Variants in MCCC1 observed in about 807,000 individuals in gnomAD.
The protein encoded by MCCC1 is methylcrotonyl-CoA carboxylase subunit 1.
MCCC1 carries 64 observed loss-of-function variants against 83.8 expected under a neutral mutation model. The ratio of observed to expected loss-of-function variants is 0.76; its 90% CI spans 0.62 to 0.94. The LOEUF (loss-of-function observed/expected upper bound fraction) is 0.94. Ranked by LOEUF, MCCC1 falls within the 40% of genes least tolerant of loss-of-function variation. MCCC1 has a pLI of 0.00. For synonymous variants in MCCC1, 322 were observed against 315.4 expected, an observed-to-expected ratio of 1.02 and a Z score of -0.22; for missense variants, 807 against 904.7, an observed-to-expected ratio of 0.89 and a Z score of 1.39.
intron 7 of MCCC1, among the ~76,000 whole-genome samples, chr3:183,069,678 C>G (rs6777617): frequency 0.038 from 5,777 of 152,202 alleles, 174 homozygotes; most frequent in Non-Finnish European, 0.052. Flanking sequence ...CTGTTACCTT[C>G]AAGGTAAATC....
intron 14 of MCCC1, among the ~76,000 whole-genome samples, chr3:183,027,698 A>C (rs1712723029): frequency 6.6e-6 from 1 of 152,196 alleles, no homozygotes; most frequent in South Asian, 2.1e-4. Flanking sequence ...CTTGTTGCTG[A>C]TATGGAGAAG....
chr3:183,104,467 A>T (rs1719375770), upstream of MCCC1, among the ~76,000 whole-genome samples: 1 of 152,208 alleles, frequency 6.6e-6, no homozygotes, highest in African/African-American at 2.4e-5. Flanking sequence ...TATAATGGAA[A>T]AAAAAAGGAA....
At position 183,099,351 on chromosome 3, in the gene MCCC1, C is replaced by A; in HGVS notation, c.89+1G>T. 1 of 1,596,376 alleles carries A rather than the reference C, an allele frequency of 6.3e-7. No individual in the cohort carries two copies. Among genetic ancestry groups the A allele is most frequent in the Non-Finnish European group, 8.5e-7 (1 of 1,173,730 alleles). On this transcript the variant is annotated splice_donor_variant, in intron 1 of 18. Coordinates refer to ENST00000265594, the MANE Select transcript of MCCC1 (RefSeq NM_020166.5). LOFTEE classifies it high-confidence loss of function. ...CACTGAGCCATGGCCCCTCCACCCACCTCGGCGGCAGGAGCAGGCTCGGGA... is the reference window on the plus strand; with the variant it reads ...CACTGAGCCATGGCCCCTCCACCCAACTCGGCGGCAGGAGCAGGCTCGGGA...
chr3:183,015,862 G>A (rs1711570093), intron 18 of MCCC1, among the ~76,000 whole-genome samples: 1 of 151,788 alleles, frequency 6.6e-6, no homozygotes. Flanking sequence ...AGCTTCACAT[G>A]AGAATTGCAC....
At chr3:183,041,023 A>C (rs1714037835) in intron 11 of MCCC1, among the ~76,000 whole-genome samples, 1 of 152,244 alleles carries the variant, frequency 6.6e-6, no homozygotes, top group Non-Finnish European at 1.5e-5. Flanking sequence ...GGTACTTCTC[A>C]TGGTGAAAGG....
At chr3:183,098,181 G>A (rs975390965) in intron 1 of MCCC1, among the ~76,000 whole-genome samples, 4 of 152,158 alleles carry the variant, frequency 2.6e-5, no homozygotes, top group African/African-American at 9.7e-5. Flanking sequence ...TGCCCGCCTC[G>A]GCGTCCCAAA....
At position 183,039,084 on chromosome 3, in the gene MCCC1, C is replaced by T; in HGVS notation, c.1319G>A (p.Trp440Ter). ...CAATGCCGCCTGGCGATCTGCTGCC[C>T]ACACGACCAGCTTCGCAATCATGGG... Reference protein sequence around the residue: ...YDPMIAKLVVWAADRQAALTK... With the variant: ...YDPMIAKLVV The change falls in exon 12 of 19, where the codon TGG becomes TAG. Residue 440 changes from tryptophan to a stop codon, truncating the protein, a stop_gained. Coordinates refer to ENST00000265594, the MANE Select transcript of MCCC1 (RefSeq NM_020166.5). LOFTEE classifies it high-confidence loss of function. 6.2e-7 allele frequency: 1 copy of T among 1,614,226 alleles called. No individual in the cohort carries two copies. The highest frequency in any genetic ancestry group is 8.5e-7 in the Non-Finnish European group (1 of 1,180,040).
intron 4 of MCCC1, among the ~76,000 whole-genome samples, chr3:183,085,573 G>A (rs1403827267): frequency 1.3e-5 from 2 of 148,432 alleles, no homozygotes; most frequent in Non-Finnish European, 3.0e-5. Context: ...AAGCTGCAGC[G>A]AGCCATGATT....
At chr3:183,101,977 C>T (rs1006112913), upstream of MCCC1, among the ~76,000 whole-genome samples, 18 of 152,182 alleles carry the variant, frequency 1.2e-4, no homozygotes, top group Admixed American at 6.5e-4. Context: ...GAAGAAACTC[C>T]GAACACATCT....
At chr3:183,094,425 G>C (rs1718592184) in intron 2 of MCCC1, 134 bp downstream of exon 2, 1 of 844,116 alleles carries the variant, frequency 1.2e-6, no homozygotes. Context: ...ACACTTCCTA[G>C]AAAATTATCG....
rs1363811125 is a variant in MCCC1 at position 183,072,358 on chromosome 3, A to G, written c.491+8T>C. On this transcript the variant is annotated splice_region_variant and intron_variant, in intron 5 of 18. Transcript: ENST00000265594. ...TACAGTTATATTTTAAAAGATATAA[A>G]CTCATACCTCTTTATACCCATGTCT... is the stretch of plus-strand genomic sequence containing the variant. 7.4e-6 allele frequency: 12 copies of G among 1,613,478 alleles called. No individual in the cohort carries two copies. The highest frequency in any genetic ancestry group is 1.0e-5 in the Non-Finnish European group (12 of 1,179,578).
At position 183,072,366 on chromosome 3, in the gene MCCC1, C is replaced by T. The variant is rs1055095015; in HGVS notation, c.491G>A (p.Ser164Asn). Residue 164 changes from serine (S) to asparagine (N), a missense_variant and splice_region_variant, in exon 5 of 19, where the codon AGC becomes AAC. Transcript: ENST00000265594. Reference protein sequence around the residue: ...PSAIRDMGIKSTSKSIMAAAG... With the variant: ...PSAIRDMGIKNTSKSIMAAAG... Reference sequence around the variant, plus strand: ...TATTTTAAAAGATATAAACTCATACCTCTTTATACCCATGTCTCTAATTGC... The same window carrying T: ...TATTTTAAAAGATATAAACTCATACTTCTTTATACCCATGTCTCTAATTGC... 1.9e-6 allele frequency: 3 copies of T among 1,613,540 alleles called. No homozygotes were observed. Among genetic ancestry groups the T allele is most frequent in the African/African-American group, 2.7e-5 (2 of 74,900 alleles).
At position 183,062,564 on chromosome 3, in the gene MCCC1, A is replaced by G. The variant is rs145123674; in HGVS notation, c.762-5142T>C. 2.0e-3 allele frequency among the ~76,000 whole-genome samples: 304 copies of G among 152,234 alleles called. 4 individuals are homozygous for G. In the East Asian group the frequency reaches 0.046, roughly 23 times the overall value. ...GAGACAGGGTTTCACCGTGTTGCCC[A>G]GGCTGGTCTCGAACTCCTGAGCTCA... On this transcript the variant is annotated intron_variant, in intron 7 of 18. Coordinates refer to ENST00000265594, the MANE Select transcript of MCCC1 (RefSeq NM_020166.5).
chr3:183,024,647 T>G (rs1268485559), intron 15 of MCCC1, among the ~76,000 whole-genome samples: 1 of 150,726 alleles, frequency 6.6e-6, no homozygotes, highest in African/African-American at 2.4e-5. Flanking sequence ...CAGAAAATAA[T>G]AAGTAGTGGC....
At chr3:183,095,717 G>A (rs907813484) in intron 1 of MCCC1, among the ~76,000 whole-genome samples, 10 of 152,134 alleles carry the variant, frequency 6.6e-5, no homozygotes, top group Admixed American at 1.3e-4. Flanking sequence ...ACCCTTTAGC[G>A]GTGGTATCAT....
At chr3:183,017,407 A>G (rs1278647223) in intron 17 of MCCC1, 70 bp from the exon 18 acceptor site, 1 of 1,383,028 alleles carries the variant, frequency 7.2e-7, no homozygotes, top group African/African-American at 1.4e-5. Flanking sequence ...CTGCTTCATT[A>G]TAGTAACCAT....
intron 4 of MCCC1, among the ~76,000 whole-genome samples, chr3:183,081,199 G>A (rs538059178): frequency 6.6e-6 from 1 of 152,282 alleles, no homozygotes; most frequent in Admixed American, 6.5e-5. Context: ...TGGATTAAAA[G>A]GGAAAACAAC....
intron 7 of MCCC1, among the ~76,000 whole-genome samples, chr3:183,067,084 C>T (rs147159822): frequency 2.3e-3 from 348 of 152,344 alleles, no homozygotes; most frequent in Non-Finnish European, 3.5e-3. Context: ...TTTACCAAGG[C>T]TTTGACTGGA....
chr3:183,102,990 T>C (rs1407630806), upstream of MCCC1, among the ~76,000 whole-genome samples: 1 of 151,526 alleles, frequency 6.6e-6, no homozygotes, highest in Non-Finnish European at 1.5e-5. Context: ...GTTTTGTGTC[T>C]GGAATTGGTG....
Sources: allele counts gnomAD v4.1 joint callset (sites outside exome capture counted in the v4.1 genomes callset), GRCh38; gene constraint gnomAD v4.1.1; transcripts MANE v1.5; gene names NCBI Gene and HGNC (gene_info 2026-07-23, HGNC 2026-07-21).